The following GNPTAB variants were observed in gnomAD, a reference collection of about 807,000 sequenced individuals.
The protein encoded by GNPTAB is N-acetylglucosamine-1-phosphate transferase subunits alpha and beta, also known as N-acetylglucosamine-1-phosphotransferase subunits alpha/beta.
GNPTAB carries 92 observed loss-of-function variants against 136.6 expected under a neutral mutation model. That is an observed-to-expected ratio of 0.67 (90% CI 0.57 to 0.80). GNPTAB has a LOEUF of 0.80. GNPTAB is among the 30% of genes least tolerant of loss of function. The pLI is 0.00. For missense variants in GNPTAB, 1,343 were observed against 1,501.8 expected (o/e 0.89, Z 1.75); for synonymous variants, 512 against 535.1 (o/e 0.96, Z 0.60).
At chr12:101,758,750 G>C (rs1412848372) in intron 16 of GNPTAB, among the ~76,000 whole-genome samples, 1 of 152,220 alleles carries the variant, frequency 6.6e-6, no homozygotes, top group East Asian at 1.9e-4. Flanking sequence ...GCTGCCACTT[G>C]TCACACTGTG....
At chr12:101,798,519 A>C (rs1033847865) in intron 1 of GNPTAB, among the ~76,000 whole-genome samples, 8 of 152,214 alleles carry the variant, frequency 5.3e-5, no homozygotes, top group Non-Finnish European at 8.8e-5. Flanking sequence ...CATTATCCAG[A>C]ACTTACACAA....
chr12:101,764,121 A>G, intron 13 of GNPTAB, 81 bp downstream of exon 13: 1 of 1,585,296 alleles, frequency 6.3e-7, no homozygotes, highest in Non-Finnish European at 8.6e-7. Flanking sequence ...AGTGCTGAAT[A>G]AATGGTAGCT....
chr12:101,797,022 G>A (rs1351218857), intron 1 of GNPTAB, among the ~76,000 whole-genome samples: 7 of 152,158 alleles, frequency 4.6e-5, no homozygotes. Flanking sequence ...AAAGGATGTG[G>A]TATTTGAAAT....
chr12:101,747,437 G>A (rs1407149700), intron 20 of GNPTAB, among the ~76,000 whole-genome samples, 196 bp from the exon 21 acceptor site: 1 of 152,156 alleles, frequency 6.6e-6, no homozygotes, highest in Non-Finnish European at 1.5e-5. Flanking sequence ...TGTAGGGACA[G>A]TATGCCTAGA....
chr12:101,822,247 A>C (rs893312409), intron 1 of GNPTAB, among the ~76,000 whole-genome samples: 1 of 152,156 alleles, frequency 6.6e-6, no homozygotes, highest in Non-Finnish European at 1.5e-5. Flanking sequence ...CCCCGTCTCT[A>C]CTAAAAATAC....
At chr12:101,754,004 C>G (rs913152568) in intron 18 of GNPTAB, among the ~76,000 whole-genome samples, 1 of 151,964 alleles carries the variant, frequency 6.6e-6, no homozygotes, top group Non-Finnish European at 1.5e-5. Context: ...TGAAAATTAG[C>G]CAGATGTGGT....
rs145111787 is a variant in GNPTAB at position 101,830,610 on chromosome 12, C to T, written c.66G>A (p.Val22=). 199 of 1,613,136 alleles carry T rather than the reference C, an allele frequency of 1.2e-4. No individual in the cohort carries two copies. The highest frequency in any genetic ancestry group is 1.7e-4 in the Non-Finnish European group (198 of 1,179,472). The change falls in exon 1 of 21, where the codon GTG becomes GTA. Residue 22 remains valine, a synonymous_variant. Coordinates refer to ENST00000299314, the MANE Select transcript of GNPTAB (RefSeq NM_024312.5). ...TGGTGACAACGACGCCCAAGAAGCA[C>T]ACGTAGAGCCCATACCTGTGGGACA... The part of the protein sequence containing the change: ...TCLSHRYGLY[V]CFLGVVVTIV...
At chr12:101,817,297 T>C (rs1239913974) in intron 1 of GNPTAB, among the ~76,000 whole-genome samples, 3 of 128,142 alleles carry the variant, frequency 2.3e-5, no homozygotes, top group African/African-American at 9.0e-5. Flanking sequence ...TGAGACAGGG[T>C]CTCACTCTGT....
At chr12:101,802,452 C>T (rs1869697258) in intron 1 of GNPTAB, among the ~76,000 whole-genome samples, 1 of 152,026 alleles carries the variant, frequency 6.6e-6, no homozygotes, top group South Asian at 2.1e-4. Flanking sequence ...AGGTGGTTCA[C>T]ATTCTTGTCA....
At chr12:101,789,825 A>C in intron 3 of GNPTAB, 113 bp downstream of exon 3, 2 of 1,059,842 alleles carry the variant, frequency 1.9e-6, no homozygotes, top group Non-Finnish European at 2.9e-6. Context: ...ATCCTTTTGT[A>C]GTTCATTAGC....
chr12:101,757,160 C>G (rs563459332), intron 18 of GNPTAB, 52 bp downstream of exon 18: 1 of 994,454 alleles, frequency 1.0e-6, no homozygotes, highest in Non-Finnish European at 1.6e-6. Flanking sequence ...CTTTCCAGTC[C>G]TTTTATTCAG....
chr12:101,747,386 C>T (rs1952749654), intron 20 of GNPTAB, 145 bp from the exon 21 acceptor site: 3 of 653,406 alleles, frequency 4.6e-6, no homozygotes, highest in East Asian at 5.6e-5. Context: ...CTCCATCATT[C>T]CTCTTCCAAA....
intron 17 of GNPTAB, 126 bp downstream of exon 17, chr12:101,757,446 C>T (rs1357332208): frequency 2.6e-6 from 2 of 762,098 alleles, no homozygotes; most frequent in South Asian, 3.0e-5. Context: ...AATACTACTA[C>T]AGCAAACAAT....
chr12:101,786,362 T>C, intron 4 of GNPTAB, 145 bp from the exon 5 acceptor site: 3 of 704,938 alleles, frequency 4.3e-6, no homozygotes, highest in Non-Finnish European at 7.2e-6. Context: ...TTTTATCTCA[T>C]GGATACAAAA....
chr12:101,825,911 G>A (rs1296425014), intron 1 of GNPTAB, among the ~76,000 whole-genome samples: 2 of 152,190 alleles, frequency 1.3e-5, no homozygotes, highest in African/African-American at 2.4e-5. Flanking sequence ...GAACCACTGA[G>A]GATCACAATT....
chr12:101,787,908 C>A (rs1357216489), intron 4 of GNPTAB, among the ~76,000 whole-genome samples: 13 of 66,632 alleles, frequency 2.0e-4, no homozygotes, highest in African/African-American at 8.3e-4. Context: ...AGCAAAACTC[C>A]GTCTCAAAAA....
intron 4 of GNPTAB, among the ~76,000 whole-genome samples, chr12:101,786,583 T>TA (rs1215897685): frequency 3.1e-4 from 47 of 152,296 alleles, no homozygotes; most frequent in Middle Eastern, 3.4e-3. Context: ...TTCTGGTTAA[T>TA]AGAGTGTCAT....
chr12:101,754,322 G>C (rs1952867782), intron 18 of GNPTAB, among the ~76,000 whole-genome samples: 1 of 152,034 alleles, frequency 6.6e-6, no homozygotes. Context: ...AGCTACTCGA[G>C]AGGCTGAGGC....
rs770011602 is a variant in GNPTAB, at chr12:101,765,253, T to C, written c.1664A>G (p.Tyr555Cys). The C allele has an allele frequency of 6.2e-7, 1 of 1,613,946 alleles. No homozygotes were observed. The highest frequency in any genetic ancestry group is 8.5e-7 in the Non-Finnish European group (1 of 1,179,826). The change falls in exon 13 of 21, where the codon TAT (tyrosine) becomes TGT (cysteine). Residue 555 changes from tyrosine (Y) to cysteine (C), a missense_variant. Physicochemically the swap from Tyr to Cys is radical, Grantham distance 194. Transcript: ENST00000299314. ...CAGGCATTCACCTTTTGGAATAATA[T>C]AGTGAGTCTGGTTTGGGAGAAGGAT... ...KVILLPNQTH[Y>C]IIPKGECLPY...
Sources: gnomAD v4.1 joint callset for allele counts (sites outside exome capture counted in the v4.1 genomes callset) on GRCh38, gnomAD v4.1.1 for gene constraint, MANE v1.5 for transcripts, NCBI Gene and HGNC (gene_info 2026-07-23, HGNC 2026-07-21) for gene names.